Variants in PITPNM1 observed in about 807,000 individuals in gnomAD.
PITPNM1 encodes the protein membrane-associated phosphatidylinositol transfer protein 1.
In PITPNM1, 74 loss-of-function variants were observed where a neutral mutation model predicts 133.3. The ratio of observed to expected loss-of-function variants is 0.56; its 90% CI spans 0.46 to 0.67. The LOEUF is 0.67. Among genes scored for constraint, PITPNM1 ranks in the 30% least tolerant of loss-of-function variants. PITPNM1 has a pLI of 0.00. For synonymous variants in PITPNM1, 738 were observed against 741.4 expected (o/e 1.00, Z 0.08); for missense variants, 1,398 against 1,739.5 (o/e 0.80, Z 3.49).
rs766683581 is a variant in PITPNM1, at chr11:67,498,687, G to C, written c.1393C>G (p.Arg465Gly). 6.2e-6 allele frequency: 10 copies of C among 1,604,038 alleles called. No homozygotes were observed. Among genetic ancestry groups the C allele is most frequent in the Admixed American group, 1.7e-5 (1 of 60,024 alleles). Residue 465 changes from arginine (R) to glycine (G), a missense_variant, in exon 10 of 24, where the codon CGC becomes GGC. Arg to Gly is a moderately radical substitution (Grantham distance 125). Transcript: ENST00000356404. The surrounding 1 kb of genome is among the most constrained non-coding windows in gnomAD (Gnocchi z 5.7). The stretch of plus-strand genomic sequence containing the variant: ...CCCAAGGCCTCAGGGAAGTGGATGC[G>C]GGTGACGGCCTCGAAGGCGGAGCTC... ...TLSSAFEAVT[R>G]IHFPEALGHV...
chr11:67,494,797 T>C (rs1565188828), intron 18 of PITPNM1, 49 bp downstream of exon 18: 2 of 1,331,110 alleles, frequency 1.5e-6, no homozygotes, highest in African/African-American at 1.6e-5. Flanking sequence ...CTCTGGTGAG[T>C]GGGCGAGAGT....
Position 67,494,313 on chromosome 11 carries a change from G to C in PITPNM1, c.2790C>G (p.Gly930=). The change falls in exon 19 of 24, where the codon GGC becomes GGG. Residue 930 remains glycine (G), a synonymous_variant. Coordinates refer to ENST00000356404, the MANE Select transcript of PITPNM1 (RefSeq NM_004910.3). ...AGCGCCCGCTTAGCACCTGGGGGCG[G>C]CCCTCGCACACCACCGTGTCGCTCG... is the stretch of plus-strand genomic sequence containing the variant. ...HRASDTVVCE[G]RPQVLSGRFM... The C allele has an allele frequency of 6.2e-7, 1 of 1,611,842 alleles. No homozygotes were observed. Among genetic ancestry groups the C allele is most frequent in the Non-Finnish European group, 8.5e-7 (1 of 1,179,514 alleles).
At position 67,498,866 on chromosome 11, in the gene PITPNM1, GCAGTGGGTGT is replaced by G. The variant is rs1555011486; in HGVS notation, c.1234-30_1234-21del. ...CAGGCCCTGGGGGGAACAATGGGGT[GCAGTGGGTGT>G]CACAGCAGTGGCCGGGCCAGTGAGT... On this transcript the variant is annotated intron_variant, in intron 9 of 23. Transcript: ENST00000356404. The surrounding 1 kb of genome is among the most constrained non-coding windows in gnomAD (Gnocchi z 5.7). 1 of 1,609,172 alleles carries G rather than the reference GCAGTGGGTGT, an allele frequency of 6.2e-7. No homozygotes were observed.
At position 67,494,058 on chromosome 11, in the gene PITPNM1, T is replaced by C; in HGVS notation, c.2872A>G (p.Ile958Val). ...TLTGEKVDVY[I>V]MTQPLSGKWI... is the part of the protein sequence containing the mutation. Reference sequence around the variant, plus strand: ...TTGCCCGACAGCGGCTGCGTCATGATGTAGACATCCACCTGGAGGGGAGAA... The same window carrying C: ...TTGCCCGACAGCGGCTGCGTCATGACGTAGACATCCACCTGGAGGGGAGAA... The change falls in exon 20 of 24, where the codon ATC becomes GTC. Residue 958 changes from isoleucine to valine, a missense_variant. By Grantham distance (29) the Ile-to-Val change is conservative (BLOSUM62 3). This residue lies in a region of PITPNM1 where 233 missense variants were observed against 378.0 expected (regional missense o/e 0.62). Transcript: ENST00000356404. 6.2e-7 allele frequency: 1 copy of C among 1,606,176 alleles called. No individual in the cohort carries two copies.
intron 5 of PITPNM1, among the ~76,000 whole-genome samples, chr11:67,501,359 G>C (rs1254686176): frequency 1.3e-5 from 2 of 152,238 alleles, no homozygotes; most frequent in African/African-American, 4.8e-5. Flanking sequence ...CAGATGACCT[G>C]GGCACTGAGG....
chr11:67,499,857 G>T (rs1565194303), intron 7 of PITPNM1, 27 bp from the exon 8 acceptor site: 1 of 1,590,382 alleles, frequency 6.3e-7, no homozygotes, highest in East Asian at 2.3e-5. Flanking sequence ...CTGTGTCATG[G>T]GGTGGGAGGA....
rs1276720857 is a variant in PITPNM1, at chr11:67,498,587, G to C, written c.1484+9C>G. The C allele has an allele frequency of 6.3e-7, 1 of 1,593,314 alleles. No individual in the cohort carries two copies. Among genetic ancestry groups the C allele is most frequent in the Non-Finnish European group, 8.5e-7 (1 of 1,176,606 alleles). On this transcript the variant is annotated intron_variant, in intron 10 of 23. Coordinates refer to ENST00000356404, the MANE Select transcript of PITPNM1 (RefSeq NM_004910.3). This position sits in a 1 kb window ranked among gnomAD's most constrained non-coding sequence, Gnocchi z 5.7. Reference sequence around the variant, plus strand: ...ACGAGTTCCCTGCCCTTCCACCCGTGGCTAGTACTTGGAGACAAGGGCATA... The same window carrying C: ...ACGAGTTCCCTGCCCTTCCACCCGTCGCTAGTACTTGGAGACAAGGGCATA...
intron 19 of PITPNM1, 70 bp from the exon 20 acceptor site, chr11:67,494,140 C>T (rs1467572711): frequency 1.9e-5 from 23 of 1,186,276 alleles, no homozygotes; most frequent in African/African-American, 3.1e-5. Context: ...GGGCTGTCGT[C>T]GGGGATGGGT....
At position 67,493,788 on chromosome 11, in the gene PITPNM1, T is replaced by G; in HGVS notation, c.3058A>C (p.Thr1020Pro). ...ECCLTVVARG[T>P]EAVVFSIDGS... ...TCGATGCTGAAGACCACAGCCTCCG[T>G]GCCGCGGGCCACCACAGTCAGGCAG... Residue 1020 changes from threonine to proline, a missense_variant, in exon 21 of 24, where the codon ACG (threonine) becomes CCG (proline). Transcript: ENST00000356404. The G allele has an allele frequency of 6.5e-7, 1 of 1,549,988 alleles. No individual in the cohort carries two copies. The highest frequency in any genetic ancestry group is 8.7e-7 in the Non-Finnish European group (1 of 1,147,804).
rs770403838 is a variant in PITPNM1, at chr11:67,498,549, C to T, written c.1484+47G>A. 6 of 1,579,562 alleles carry T rather than the reference C, an allele frequency of 3.8e-6. No individual in the cohort carries two copies. The highest frequency in any genetic ancestry group is 1.1e-5 in the South Asian group (1 of 88,992). On this transcript the variant is annotated intron_variant, in intron 10 of 23. Coordinates refer to ENST00000356404, the MANE Select transcript of PITPNM1 (RefSeq NM_004910.3). The surrounding 1 kb of genome is among the most constrained non-coding windows in gnomAD (Gnocchi z 5.7). ...CCTTCCCCGCTCCCTGCCCCGCTCCCTGGCCTGATCCTACGAGTTCCCTGC... is the reference window on the plus strand; with the variant it reads ...CCTTCCCCGCTCCCTGCCCCGCTCCTTGGCCTGATCCTACGAGTTCCCTGC...
intron 2 of PITPNM1, among the ~76,000 whole-genome samples, chr11:67,503,030 C>T (rs987703519): frequency 3.9e-5 from 6 of 152,174 alleles, no homozygotes; most frequent in Non-Finnish European, 5.9e-5. Context: ...TCCCTGCCCT[C>T]GTGGAACTTA....
At position 67,498,831 on chromosome 11, in the gene PITPNM1, C is replaced by A. The variant is rs768751858; in HGVS notation, c.1249G>T (p.Gly417Trp). 5 of 1,610,076 alleles carry A rather than the reference C, an allele frequency of 3.1e-6. No individual in the cohort carries two copies. The highest frequency in any genetic ancestry group is 4.2e-6 in the Non-Finnish European group (5 of 1,177,594). Residue 417 changes from glycine to tryptophan, a missense_variant, in exon 10 of 24, where the codon GGG (glycine) becomes TGG (tryptophan). Around this residue, in one of 5 missense-constraint regions of PITPNM1, gnomAD observed 574 missense variants for 698.7 expected, o/e 0.82. Coordinates refer to ENST00000356404, the MANE Select transcript of PITPNM1 (RefSeq NM_004910.3). The surrounding 1 kb of genome is among the most constrained non-coding windows in gnomAD (Gnocchi z 5.7). Reference sequence around the variant, plus strand: ...GCGCATGCCTCAGCCCCCAGCTCCCCGGCTCCATCCAGGCCCTGGGGGGAA... The same window carrying A: ...GCGCATGCCTCAGCCCCCAGCTCCCAGGCTCCATCCAGGCCCTGGGGGGAA... Reference protein sequence around the residue: ...PRDSEGLDGAGELGAEACAVH... With the variant: ...PRDSEGLDGAWELGAEACAVH...
chr11:67,497,643 G>A lies in PITPNM1; in HGVS notation c.1819C>T (p.Arg607Trp), dbSNP rs757915989. 24 of 1,610,008 alleles carry A rather than the reference G, an allele frequency of 1.5e-5. No homozygotes were observed. Among genetic ancestry groups the A allele is most frequent in the South Asian group, 3.3e-5 (3 of 90,798 alleles). Residue 607 changes from arginine to tryptophan, a missense_variant, in exon 13 of 24, where the codon CGG becomes TGG. Arg to Trp is a moderately radical substitution (Grantham distance 101). Transcript: ENST00000356404. ...ELLSPEFGPV[R>W]DPLADGVEGL... is the part of the protein sequence containing the mutation. ...TCCACACCATCTGCCAGGGGGTCCC[G>A]CACTGGGCCAAACTCCGGAGAGAGC...
At chr11:67,505,614 G>T (rs2134344983), upstream of PITPNM1, among the ~76,000 whole-genome samples, 1 of 152,336 alleles carries the variant, frequency 6.6e-6, no homozygotes, top group African/African-American at 2.4e-5. The surrounding 1 kb of genome is among the most constrained non-coding windows in gnomAD (Gnocchi z 5.8). Flanking sequence ...CCCTAGCCCA[G>T]CCCTCCTGTG....
chr11:67,493,164 CAGACGGAGGCGA>C, intron 22 of PITPNM1, 102 bp from the exon 23 acceptor site: 1 of 1,409,520 alleles, frequency 7.1e-7, no homozygotes, highest in Non-Finnish European at 9.9e-7. Context: ...TGGGTCCAGG[CAGACGGAGGCGA>C]AGACAGGTCC....
At chr11:67,496,667 G>A in intron 14 of PITPNM1, 1 of 325,118 alleles carries the variant, frequency 3.1e-6, no homozygotes, top group East Asian at 6.6e-5. Flanking sequence ...GGGTTCAGTG[G>A]CTCATTCCTG....
Position 67,496,359 on chromosome 11 carries a change from G to GC in PITPNM1, c.2147-12_2147-11insG. 1.3e-6 allele frequency: 2 copies of GC among 1,567,134 alleles called. No individual in the cohort carries two copies. Among genetic ancestry groups the GC allele is most frequent in the Non-Finnish European group, 1.7e-6 (2 of 1,165,676 alleles). Reference sequence around the variant, plus strand: ...GGCGCATCTGGGCTGCTGGTACCCAGAAGACAGAGAAAGATTGTGGGGTCA... The same window carrying GC: ...GGCGCATCTGGGCTGCTGGTACCCAGCAAGACAGAGAAAGATTGTGGGGTCA... On this transcript the variant is annotated splice_polypyrimidine_tract_variant and intron_variant, in intron 14 of 23. Coordinates refer to ENST00000356404, the MANE Select transcript of PITPNM1 (RefSeq NM_004910.3).
At position 67,493,047 on chromosome 11, in the gene PITPNM1, C is replaced by T. The variant is rs1865984371; in HGVS notation, c.3358G>A (p.Val1120Met). ...TCTTTGGGAGACCCATAACCGGCCA[C>T]GATGTTCAGTTCTACCTGTGGCGGG... ...SLVQEVELNI[V>M]AGYGSPKDVA... Residue 1120 changes from valine (V) to methionine (M), a missense_variant, in exon 23 of 24, where the codon GTG becomes ATG. This residue lies in a region of PITPNM1 where 233 missense variants were observed against 378.0 expected (regional missense o/e 0.62). Transcript: ENST00000356404. The T allele has an allele frequency of 1.9e-6, 3 of 1,612,878 alleles. No homozygotes were observed. The highest frequency in any genetic ancestry group is 2.2e-5 in the East Asian group (1 of 44,894).
rs1260168565 is a variant in PITPNM1, at chr11:67,496,162, T to C, written c.2317+16A>G. 1 of 1,497,368 alleles carries C rather than the reference T, an allele frequency of 6.7e-7. No homozygotes were observed. Among genetic ancestry groups the C allele is most frequent in the Non-Finnish European group, 8.9e-7 (1 of 1,128,284 alleles). The allele number at this position is 1,497,368 out of a possible 1,614,324, so 92.8% of individuals were successfully genotyped here. A position where few individuals can be genotyped will look rare whatever the true frequency, so the allele number is the denominator to read the frequency against. ...TGCCCTCCTCCTTCTCCCCTTTATC[T>C]TGTTTGGGGGCGTACCCAGCAGCAG... On this transcript the variant is annotated intron_variant, in intron 15 of 23. Coordinates refer to ENST00000356404, the MANE Select transcript of PITPNM1 (RefSeq NM_004910.3).
Sources: allele counts gnomAD v4.1 joint callset (sites outside exome capture counted in the v4.1 genomes callset), GRCh38; gene constraint gnomAD v4.1.1; regional missense constraint gnomAD v4.1.1; non-coding constraint Gnocchi (gnomAD v3.1); transcripts MANE v1.5; gene names NCBI Gene and HGNC (gene_info 2026-07-23, HGNC 2026-07-21).